Variants in ARHGAP44 observed in about 807,000 individuals in gnomAD.
ARHGAP44 encodes the protein Rho GTPase activating protein 44.
ARHGAP44 carries 43 observed loss-of-function variants against 106.8 expected under a neutral mutation model. The observed-to-expected ratio is 0.40, with a 90% CI of 0.32 to 0.52. The LOEUF (loss-of-function observed/expected upper bound fraction) is 0.52. ARHGAP44 is among the 20% of genes least tolerant of loss of function. The pLI is 0.48. For missense variants in ARHGAP44, 866 were observed against 1,050.5 expected (o/e 0.82, Z 2.43); for synonymous variants, 439 against 410.3 (o/e 1.07, Z -0.85).
chr17:12,979,984 G>A (rs1475915235), intron 18 of ARHGAP44, 74 bp from the exon 19 acceptor site: 2 of 1,442,836 alleles, frequency 1.4e-6, no homozygotes, highest in African/African-American at 2.8e-5. Context: ...CACACAGGGT[G>A]GCCATCGGCA....
intron 1 of ARHGAP44, among the ~76,000 whole-genome samples, chr17:12,816,392 T>C (rs1254884137): frequency 6.6e-6 from 1 of 152,132 alleles, no homozygotes; most frequent in Non-Finnish European, 1.5e-5. Flanking sequence ...CAGTGGACAC[T>C]TAAATTAATT....
chr17:12,851,591 C>T (rs542371280), intron 1 of ARHGAP44, among the ~76,000 whole-genome samples: 13 of 152,244 alleles, frequency 8.5e-5, no homozygotes, highest in Admixed American at 3.3e-4. Context: ...TGCGCCACCA[C>T]GCCCAGCTAA....
intron 1 of ARHGAP44, among the ~76,000 whole-genome samples, chr17:12,852,522 T>C (rs1278740435): frequency 2.0e-5 from 3 of 151,154 alleles, no homozygotes; most frequent in African/African-American, 7.3e-5. Context: ...TTTCTTGTTT[T>C]CTATTCTCTT....
In ARHGAP44 at chr17:12,980,139, G is replaced by T. The variant is rs765250051; in HGVS notation, c.1845G>T (p.Gly615=). Reference sequence around the variant, plus strand: ...CCAGCCAGGGCACAGCCTGTGCAGGGACTCAACCAGGGGCTCAACCTGGAG... The same window carrying T: ...CCAGCCAGGGCACAGCCTGTGCAGGTACTCAACCAGGGGCTCAACCTGGAG... ...PGSSQGTACA[G]TQPGAQPGAQ... is the part of the protein sequence containing the mutation. The change falls in exon 19 of 21, where the codon GGG becomes GGT. Residue 615 remains glycine, a synonymous_variant. Transcript: ENST00000379672. 2 of 1,613,914 alleles carry T rather than the reference G, an allele frequency of 1.2e-6. No homozygotes were observed. Among genetic ancestry groups the T allele is most frequent in the Middle Eastern group, 1.7e-4 (1 of 6,010 alleles).
intron 1 of ARHGAP44, among the ~76,000 whole-genome samples, chr17:12,845,506 C>CA (rs748288660): frequency 0.019 from 1,259 of 67,668 alleles, 15 homozygotes; most frequent in East Asian, 0.1. Flanking sequence ...GACTCCGTCT[C>CA]AAAAAAAAAA....
At chr17:12,925,961 T>C (rs938473584) in intron 6 of ARHGAP44, among the ~76,000 whole-genome samples, 4 of 152,184 alleles carry the variant, frequency 2.6e-5, no homozygotes, top group African/African-American at 9.7e-5. Flanking sequence ...CCAGCATGAG[T>C]ATCTGTACAA....
chr17:12,989,101 C>CCCAAAA (rs1598173210), intron 20 of ARHGAP44, among the ~76,000 whole-genome samples: 2 of 45,158 alleles, frequency 4.4e-5, no homozygotes, highest in African/African-American at 8.5e-5. Context: ...CCACCCCCCC[C>CCCAAAA]AAAAAAAAAA....
chr17:12,891,381 T>C (rs1048274812), intron 1 of ARHGAP44, among the ~76,000 whole-genome samples: 1 of 152,238 alleles, frequency 6.6e-6, no homozygotes, highest in Non-Finnish European at 1.5e-5. Context: ...AAGTTTGAGA[T>C]GGAGGAGCTA....
intron 1 of ARHGAP44, among the ~76,000 whole-genome samples, chr17:12,822,112 G>C (rs1490626484): frequency 3.3e-5 from 5 of 152,084 alleles, no homozygotes; most frequent in Non-Finnish European, 4.4e-5. Flanking sequence ...ATATATAAAG[G>C]GTTGGCAAAC....
intron 7 of ARHGAP44, among the ~76,000 whole-genome samples, chr17:12,937,875 C>T (rs1567697347): frequency 1.3e-5 from 2 of 151,998 alleles, no homozygotes; most frequent in South Asian, 2.1e-4. Context: ...CCGAGGTGGG[C>T]GGATTGCCTG....
intron 4 of ARHGAP44, among the ~76,000 whole-genome samples, chr17:12,910,618 G>C (rs1325507315): frequency 6.6e-6 from 1 of 151,796 alleles, no homozygotes; most frequent in East Asian, 1.9e-4. Context: ...GCTAATTTTT[G>C]TATATTTAGT....
In ARHGAP44 at chr17:12,873,315, G is replaced by C. The variant is rs183687280; in HGVS notation, c.54-21625G>C. Among the ~76,000 whole-genome samples, 78 of 152,248 alleles carry C rather than the reference G, an allele frequency of 5.1e-4. 1 individual carries two copies. The Middle Eastern group carries it at 0.014, about 27-fold the overall frequency. ...TGGCAGATCTTACCCAGCCTTCAAG[G>C]CTTGCCTATGCCCTCCTCCTCCAGG... On this transcript the variant is annotated intron_variant, in intron 1 of 20. Coordinates refer to ENST00000379672, the MANE Select transcript of ARHGAP44 (RefSeq NM_014859.6).
At chr17:12,860,105 G>A (rs937247390) in intron 1 of ARHGAP44, among the ~76,000 whole-genome samples, 4 of 152,014 alleles carry the variant, frequency 2.6e-5, no homozygotes, top group Non-Finnish European at 5.9e-5. Context: ...CCACAAGTGA[G>A]TTACTTGTTA....
intron 1 of ARHGAP44, 50 bp from the exon 2 acceptor site, chr17:12,894,889 AG>A: frequency 6.6e-7 from 1 of 1,514,810 alleles, no homozygotes; most frequent in Non-Finnish European, 9.0e-7. Context: ...AGTAATTATG[AG>A]GCTCTGTTGT....
intron 6 of ARHGAP44, among the ~76,000 whole-genome samples, chr17:12,926,422 G>GTATATATAATATATATT (rs2038235398): frequency 7.5e-6 from 1 of 133,790 alleles, no homozygotes; most frequent in Non-Finnish European, 1.6e-5. Context: ...TAATATATAT[G>GTATATATAATATATATT]TATATATAAT....
intron 1 of ARHGAP44, among the ~76,000 whole-genome samples, chr17:12,841,348 T>G (rs1200424927): frequency 6.6e-6 from 1 of 152,000 alleles, no homozygotes; most frequent in East Asian, 1.9e-4. Context: ...CTTGTAATTC[T>G]AACATTTTGG....
chr17:12,873,276 C>G (rs1408711813), intron 1 of ARHGAP44, among the ~76,000 whole-genome samples: 1 of 152,140 alleles, frequency 6.6e-6, no homozygotes, highest in Non-Finnish European at 1.5e-5. Context: ...TCAGACTTTT[C>G]CCATGTCTCT....
intron 16 of ARHGAP44, among the ~76,000 whole-genome samples, chr17:12,961,201 A>G (rs915437500): frequency 6.6e-6 from 1 of 152,140 alleles, no homozygotes; most frequent in Non-Finnish European, 1.5e-5. Context: ...GATGCATTGG[A>G]GTACTCAGAG....
intron 1 of ARHGAP44, among the ~76,000 whole-genome samples, chr17:12,829,123 T>C (rs2035013910): frequency 6.6e-6 from 1 of 152,302 alleles, no homozygotes; most frequent in African/African-American, 2.4e-5. Context: ...TTAACTCCTA[T>C]TGAAAGGTAG....
Sources: gnomAD v4.1 joint callset for allele counts (sites outside exome capture counted in the v4.1 genomes callset) on GRCh38, gnomAD v4.1.1 for gene constraint, MANE v1.5 for transcripts, NCBI Gene and HGNC (gene_info 2026-07-23, HGNC 2026-07-21) for gene names.